Variants in DMD observed in about 807,000 individuals in gnomAD.
The protein encoded by DMD is dystrophin.
Under a neutral mutation model 330.1 loss-of-function variants are expected in DMD, and 63 were observed. The ratio of observed to expected loss-of-function variants is 0.19; its 90% confidence interval spans 0.16 to 0.24. DMD has a LOEUF of 0.24. Among genes scored for constraint, DMD ranks in the 10% least tolerant of loss-of-function variants. The probability of loss-of-function intolerance (pLI) is 1.00; values close to 1 mark genes in which losing one functional copy is unlikely to be tolerated. For synonymous variants in DMD, 1,223 were observed against 959.8 expected, an observed-to-expected ratio of 1.27 and a Z score of -5.07; for missense variants, 3,344 against 2,684.1, an observed-to-expected ratio of 1.25 and a Z score of -5.43.
At chrX:33,238,067 A>C (rs2052520133) in intron 1 of DMD, among the ~76,000 whole-genome samples, 2 of 112,717 alleles carry the variant, frequency 1.8e-5, no homozygotes, top group Non-Finnish European at 3.7e-5. Flanking sequence ...TTTCAGCCGG[A>C]ATACATTTAT....
chrX:32,807,122 T>TTAAAAAAAAAAAAAAAAAAAAAAAAAAAA (rs1345640031), intron 7 of DMD, among the ~76,000 whole-genome samples: 3 of 20,741 alleles, frequency 1.4e-4, no homozygotes, highest in African/African-American at 6.6e-4. Flanking sequence ...CGGAAACATT[T>TTAAAAAAAAAAAAAAAAAAAAAAAAAAAA]AAAAAAAAAA....
intron 67 of DMD, among the ~76,000 whole-genome samples, chrX:31,184,957 A>C (rs1332635298): frequency 3.2e-5 from 2 of 62,714 alleles, no homozygotes; most frequent in Admixed American, 2.4e-4. Flanking sequence ...CACTCTGGGG[A>C]CTGTTGTGGG....
At chrX:33,218,539 TA>T (rs759237250) in intron 1 of DMD, among the ~76,000 whole-genome samples, 3,245 of 108,707 alleles carry the variant, frequency 0.03, 134 homozygotes, top group African/African-American at 0.1. Flanking sequence ...AGACTTTTTT[TA>T]AAAAAAAAAT....
At chrX:31,834,197 A>G (rs780989588) in intron 49 of DMD, among the ~76,000 whole-genome samples, 40 of 111,603 alleles carry the variant, frequency 3.6e-4, no homozygotes, top group Non-Finnish European at 7.5e-4. Flanking sequence ...TTTAAAAATA[A>G]ATTTTTGATC....
At chrX:32,758,733 C>T (rs938478467) in intron 7 of DMD, among the ~76,000 whole-genome samples, 1 of 110,839 alleles carries the variant, frequency 9.0e-6, no homozygotes, top group African/African-American at 3.3e-5. Flanking sequence ...AAGAGCTTAG[C>T]ACAGTGCCTG....
At chrX:32,735,136 G>T (rs917229916) in intron 7 of DMD, among the ~76,000 whole-genome samples, 2 of 108,074 alleles carry the variant, frequency 1.9e-5, no homozygotes, top group African/African-American at 7.0e-5. Context: ...CAAGCAGAGA[G>T]CCAAATCATG....
intron 7 of DMD, among the ~76,000 whole-genome samples, chrX:32,702,777 T>C (rs904869839): frequency 9.0e-6 from 1 of 111,183 alleles, no homozygotes; most frequent in Non-Finnish European, 1.9e-5. Flanking sequence ...AATTCTAAGA[T>C]GGATCAAAAA....
chrX:32,238,442 CAT>C (rs1372602136), intron 43 of DMD, among the ~76,000 whole-genome samples: 1 of 92,723 alleles, frequency 1.1e-5, no homozygotes, highest in East Asian at 3.9e-4. Flanking sequence ...AGAAGCAATG[CAT>C]GAGAGAGAGA....
intron 1 of DMD, among the ~76,000 whole-genome samples, chrX:33,138,108 A>G (rs970270336): frequency 8.9e-6 from 1 of 111,864 alleles, no homozygotes; most frequent in Non-Finnish European, 1.9e-5. Context: ...AAAAAAGTGT[A>G]TAAAAAGAGA....
intron 32 of DMD, among the ~76,000 whole-genome samples, chrX:32,387,719 A>G (rs2097969299): frequency 9.0e-6 from 1 of 111,225 alleles, no homozygotes; most frequent in Admixed American, 9.6e-5. Context: ...CTTTTTTCTT[A>G]GAAGATATAA....
At chrX:32,600,598 G>GCGCACACACACACA (rs762270647) in intron 12 of DMD, among the ~76,000 whole-genome samples, 1 of 95,290 alleles carries the variant, frequency 1.0e-5, no homozygotes, top group African/African-American at 3.8e-5. Context: ...ACACGCACAC[G>GCGCACACACACACA]CACACACACA....
intron 30 of DMD, among the ~76,000 whole-genome samples, chrX:32,409,636 C>T (rs758449958): frequency 1.8e-4 from 20 of 111,606 alleles, no homozygotes; most frequent in Admixed American, 2.9e-4. Context: ...AATTTCATTC[C>T]GCAAGTCTGT....
intron 7 of DMD, among the ~76,000 whole-genome samples, chrX:32,784,898 A>T (rs1181372583): frequency 2.7e-5 from 3 of 111,414 alleles, no homozygotes; most frequent in Non-Finnish European, 5.7e-5. Flanking sequence ...AATTTTCAAT[A>T]CCTTGGCAGA....
At chrX:33,005,717 T>A (rs998961475) in intron 2 of DMD, among the ~76,000 whole-genome samples, 11 of 110,735 alleles carry the variant, frequency 9.9e-5, no homozygotes, top group African/African-American at 3.6e-4. Context: ...CAAAAATGTC[T>A]CTCTTACCAC....
intron 44 of DMD, among the ~76,000 whole-genome samples, chrX:32,151,236 T>C (rs953653148): frequency 1.8e-5 from 2 of 111,957 alleles, no homozygotes; most frequent in Admixed American, 1.9e-4. Flanking sequence ...AAGAAAATAG[T>C]TTTCCTTCTC....
chrX:31,559,640 CAAAAA>C (rs1167550498), intron 55 of DMD, among the ~76,000 whole-genome samples: 235 of 21,626 alleles, frequency 0.011, 9 homozygotes, highest in African/African-American at 0.029. Flanking sequence ...AACTCCGTCT[CAAAAA>C]AAAAAAAAAA....
chrX:32,406,160 A>G (rs77967594), intron 30 of DMD, among the ~76,000 whole-genome samples: 22,378 of 110,519 alleles, frequency 0.2, 2,290 homozygotes, highest in African/African-American at 0.4. Flanking sequence ...GGGCTGAGAC[A>G]ATGGGGTTTT....
intron 4 of DMD, among the ~76,000 whole-genome samples, chrX:32,823,997 T>C (rs1317527331): frequency 8.9e-6 from 1 of 111,881 alleles, no homozygotes; most frequent in Non-Finnish European, 1.9e-5. Context: ...AAAGCAAGCA[T>C]ATGAAAAGAT....
intron 50 of DMD, among the ~76,000 whole-genome samples, chrX:31,807,356 A>ATCAAAAT (rs2092322343): frequency 9.0e-6 from 1 of 111,632 alleles, no homozygotes; most frequent in Non-Finnish European, 1.9e-5. Flanking sequence ...AGGGTGCTGG[A>ATCAAAAT]CTATGGTACC....
Sources: allele counts gnomAD v4.1 joint callset (sites outside exome capture counted in the v4.1 genomes callset), GRCh38; gene constraint gnomAD v4.1.1; transcripts MANE v1.5; gene names NCBI Gene and HGNC (gene_info 2026-07-23, HGNC 2026-07-21).